DNAH12: variants seen among roughly 807,000 people sequenced by gnomAD.
DNAH12 encodes axonemal beta dynein heavy chain 12.
A neutral mutation model predicts 371.5 loss-of-function variants in DNAH12; 285 were observed. The ratio of observed to expected loss-of-function variants is 0.77; its 90% CI spans 0.70 to 0.85. The LOEUF is 0.85. Among genes scored for constraint, DNAH12 ranks in the 40% least tolerant of loss-of-function variants. The pLI is 0.00. For missense variants in DNAH12, 3,611 were observed against 3,689.4 expected (o/e 0.98, Z 0.55); for synonymous variants, 1,200 against 1,213.0 (o/e 0.99, Z 0.22).
At chr3:57,469,899 A>C (rs889326366) in intron 16 of DNAH12, among the ~76,000 whole-genome samples, 1 of 152,150 alleles carries the variant, frequency 6.6e-6, no homozygotes, top group Non-Finnish European at 1.5e-5. Context: ...ACTACCTGGG[A>C]GATAGGATCA....
intron 62 of DNAH12, 97 bp from the exon 63 acceptor site, chr3:57,323,716 T>C: frequency 7.8e-7 from 1 of 1,289,106 alleles, no homozygotes; most frequent in Non-Finnish European, 1.0e-6. Flanking sequence ...AATTTGAGCC[T>C]AATGGTCAAA....
chr3:57,320,749 ACT>A (rs1250666101), intron 65 of DNAH12, among the ~76,000 whole-genome samples: 1 of 152,054 alleles, frequency 6.6e-6, no homozygotes, highest in African/African-American at 2.4e-5. Context: ...TGAATTAGAG[ACT>A]CTGGGGATGG....
Position 57,542,780 on chromosome 3 carries a change from CTA to C in DNAH12, c.89_90del (p.Ile30ArgfsTer3), listed in dbSNP as rs1346215376. On this transcript the variant is annotated frameshift_variant, in exon 2 of 74. Transcript: ENST00000495027. LOFTEE classifies it high-confidence loss of function. Reference protein sequence around the residue: ...LPPIVHLPENIGVDTPTQSKL... With the variant: ...LPPIVHLPENXGVDTPTQSKL... ...TTACTTTGTGTTGGTGTATCAACGC[CTA>C]TGTTTTCTGGGAGATGGACAATGGG... 3 of 1,611,738 alleles carry C rather than the reference CTA, an allele frequency of 1.9e-6. No individual in the cohort carries two copies. The highest frequency in any genetic ancestry group is 3.4e-5 in the Admixed American group (2 of 59,660).
In DNAH12 at chr3:57,483,459, T is replaced by C. The variant is rs1482482449; in HGVS notation, c.1567A>G (p.Thr523Ala). ...IKEHALKVPE[T>A]TEEMMDLISY... ...ATCAGATCCATCATCTCTTCTGTTG[T>C]TTCAGGGACTTTTAATGCATGTTCT... Residue 523 changes from threonine to alanine, a missense_variant, in exon 13 of 74, where the codon ACA becomes GCA. Physicochemically the swap from Thr to Ala is moderately conservative, Grantham distance 58 (BLOSUM62 0). Coordinates refer to ENST00000495027, the MANE Select transcript of DNAH12 (RefSeq NM_001366028.2). The C allele has an allele frequency of 6.4e-7, 1 of 1,551,288 alleles. No individual in the cohort carries two copies. The highest frequency in any genetic ancestry group is 1.4e-5 in the African/African-American group (1 of 73,042).
At chr3:57,346,780 A>G (rs2062553394) in intron 60 of DNAH12, among the ~76,000 whole-genome samples, 1 of 152,144 alleles carries the variant, frequency 6.6e-6, no homozygotes, top group African/African-American at 2.4e-5. Flanking sequence ...ATACCATGCT[A>G]ACACTAATGA....
At chr3:57,418,826 G>T (rs534737588) in intron 37 of DNAH12, among the ~76,000 whole-genome samples, 1 of 152,190 alleles carries the variant, frequency 6.6e-6, no homozygotes, top group African/African-American at 2.4e-5. Context: ...TGTTTTAAAA[G>T]AAAAATAACT....
intron 29 of DNAH12, among the ~76,000 whole-genome samples, chr3:57,442,920 G>A (rs2065354726): frequency 6.6e-6 from 1 of 152,140 alleles, no homozygotes; most frequent in Non-Finnish European, 1.5e-5. Flanking sequence ...ATCGTAAAGA[G>A]AAGACATGGA....
chr3:57,453,953 T>A (rs115609754), intron 23 of DNAH12, among the ~76,000 whole-genome samples: 1,597 of 151,960 alleles, frequency 0.011, 18 homozygotes, highest in African/African-American at 0.036. Flanking sequence ...TATAAAAAAA[T>A]TTTTAAATTA....
At chr3:57,491,099 A>AAAACAAC (rs56259991) in intron 11 of DNAH12, among the ~76,000 whole-genome samples, 4 of 112,820 alleles carry the variant, frequency 3.5e-5, no homozygotes, top group African/African-American at 7.0e-5. Context: ...AAAAAAAAAA[A>AAAACAAC]AACAACAAAT....
intron 60 of DNAH12, among the ~76,000 whole-genome samples, chr3:57,345,083 A>C (rs1029543961): frequency 6.6e-6 from 1 of 152,182 alleles, no homozygotes; most frequent in Non-Finnish European, 1.5e-5. Context: ...CTTACAATAA[A>C]GTATACCAGA....
chr3:57,496,729 G>A (rs1188992910), intron 11 of DNAH12, among the ~76,000 whole-genome samples: 1 of 152,176 alleles, frequency 6.6e-6, no homozygotes, highest in Non-Finnish European at 1.5e-5. Context: ...AGTACTTCGG[G>A]AGGCCAAGGT....
chr3:57,374,785 T>C (rs2063248150), intron 55 of DNAH12, among the ~76,000 whole-genome samples: 1 of 152,140 alleles, frequency 6.6e-6, no homozygotes, highest in Non-Finnish European at 1.5e-5. Context: ...AAAAGAAGCC[T>C]TACCCAATAA....
intron 2 of DNAH12, among the ~76,000 whole-genome samples, chr3:57,527,393 TAAAGA>T (rs1304567663): frequency 1.3e-5 from 2 of 152,152 alleles, no homozygotes; most frequent in Non-Finnish European, 2.9e-5. Flanking sequence ...GGGTAATTTA[TAAAGA>T]AAAGAGGTTT....
chr3:57,470,952 C>T (rs543982141), intron 15 of DNAH12, among the ~76,000 whole-genome samples: 70 of 152,204 alleles, frequency 4.6e-4, no homozygotes, highest in African/African-American at 1.7e-3. Context: ...GGTGATCTGC[C>T]CACCTCAAAC....
intron 32 of DNAH12, among the ~76,000 whole-genome samples, chr3:57,432,049 G>C (rs1256516155): frequency 6.6e-6 from 1 of 151,832 alleles, no homozygotes. Context: ...TCTACAATTA[G>C]AATAACCTTC....
intron 2 of DNAH12, among the ~76,000 whole-genome samples, chr3:57,526,145 A>G (rs1017531385): frequency 6.6e-6 from 1 of 152,072 alleles, no homozygotes; most frequent in African/African-American, 2.4e-5. Context: ...TCTGGTAACC[A>G]GCCTTCTACA....
intron 4 of DNAH12, among the ~76,000 whole-genome samples, chr3:57,512,962 C>T (rs1355372544): frequency 6.6e-6 from 1 of 151,892 alleles, no homozygotes; most frequent in East Asian, 1.9e-4. Flanking sequence ...GATGGTGAAA[C>T]CCCGTCTCTA....
intron 60 of DNAH12, among the ~76,000 whole-genome samples, chr3:57,343,999 C>T (rs551831129): frequency 2.6e-5 from 4 of 152,268 alleles, no homozygotes; most frequent in Admixed American, 2.6e-4. Context: ...TCCTTCTACA[C>T]TCCTTTTTGC....
chr3:57,415,596 A>C, intron 37 of DNAH12, 32 bp from the exon 38 acceptor site: 1 of 1,503,766 alleles, frequency 6.6e-7, no homozygotes, highest in Non-Finnish European at 8.8e-7. Context: ...ATTATTCAAA[A>C]TGGAAAAAAA....
Sources: gnomAD v4.1 joint callset for allele counts (sites outside exome capture counted in the v4.1 genomes callset) on GRCh38, gnomAD v4.1.1 for gene constraint, MANE v1.5 for transcripts, NCBI Gene and HGNC (gene_info 2026-07-23, HGNC 2026-07-21) for gene names.